MAPK8IP3: variants seen among roughly 807,000 people sequenced by gnomAD.
MAPK8IP3 encodes the protein C-Jun-amino-terminal kinase-interacting protein 3.
In MAPK8IP3, 49 loss-of-function variants were observed where a neutral mutation model predicts 157.8. The observed-to-expected ratio is 0.31, with a 90% CI of 0.25 to 0.39. The LOEUF (loss-of-function observed/expected upper bound fraction) is 0.39. Among genes scored for constraint, MAPK8IP3 ranks in the 10% least tolerant of loss-of-function variants. The pLI is 1.00. For synonymous variants in MAPK8IP3, 897 were observed against 777.7 expected (o/e 1.15, Z -2.55); for missense variants, 1,478 against 1,889.4 (o/e 0.78, Z 4.04).
chr16:1,708,568 C>T (rs2037548384), intron 1 of MAPK8IP3, among the ~76,000 whole-genome samples: 1 of 152,242 alleles, frequency 6.6e-6, no homozygotes, highest in African/African-American at 2.4e-5. Flanking sequence ...CGCTGCCCAG[C>T]TCTGTGCGGT....
intron 1 of MAPK8IP3, chr16:1,707,536 C>A (rs1373218674): frequency 1.3e-5 from 2 of 152,278 alleles, no homozygotes; most frequent in Non-Finnish European, 1.5e-5. Context: ...TTACAAGAGC[C>A]GGGCCCTGTG....
intron 4 of MAPK8IP3, among the ~76,000 whole-genome samples, chr16:1,739,435 AGCCTCC>A (rs2040453180): frequency 8.7e-6 from 1 of 114,314 alleles, no homozygotes. Flanking sequence ...CGTCCGTGTG[AGCCTCC>A]GTGTGACCGT....
intron 4 of MAPK8IP3, among the ~76,000 whole-genome samples, chr16:1,737,074 G>A (rs980181030): frequency 2.2e-5 from 2 of 92,366 alleles, no homozygotes; most frequent in African/African-American, 4.2e-5. Flanking sequence ...CCGTGTGAGC[G>A]TGTGACCGTC....
chr16:1,736,860 G>A (rs1282161621), intron 4 of MAPK8IP3, among the ~76,000 whole-genome samples: 8 of 74,096 alleles, frequency 1.1e-4, no homozygotes, highest in Admixed American at 3.7e-4. Flanking sequence ...GTGTGTGACC[G>A]TCCATGTGAG....
chr16:1,720,989 T>C (rs1402598050), intron 1 of MAPK8IP3, among the ~76,000 whole-genome samples: 1 of 143,122 alleles, frequency 7.0e-6, no homozygotes, highest in Non-Finnish European at 1.5e-5. Flanking sequence ...AGCTGAGTCA[T>C]GTCATTGCAC....
intron 4 of MAPK8IP3, among the ~76,000 whole-genome samples, chr16:1,738,102 C>T (rs2040184818): frequency 2.5e-5 from 2 of 79,930 alleles, no homozygotes; most frequent in Non-Finnish European, 4.5e-5. Context: ...ATGTGAGCAT[C>T]CATGTGACCG....
At chr16:1,713,160 T>C (rs2037907619) in intron 1 of MAPK8IP3, among the ~76,000 whole-genome samples, 1 of 152,220 alleles carries the variant, frequency 6.6e-6, no homozygotes. Flanking sequence ...AATGTTGTAT[T>C]TGGTGCTGTC....
intron 4 of MAPK8IP3, among the ~76,000 whole-genome samples, chr16:1,732,835 C>T (rs1404024070): frequency 6.6e-6 from 1 of 152,026 alleles, no homozygotes; most frequent in Non-Finnish European, 1.5e-5. Context: ...GTGTGGATGC[C>T]AGCTTGCCCC....
At chr16:1,707,904 C>T (rs1434623913) in intron 1 of MAPK8IP3, 1 of 152,124 alleles carries the variant, frequency 6.6e-6, no homozygotes, top group East Asian at 1.9e-4. Context: ...AGTATTTTGG[C>T]TTTTTCTGAA....
chr16:1,738,577 AGT>A (rs1272457850), intron 4 of MAPK8IP3, among the ~76,000 whole-genome samples: 1 of 107,910 alleles, frequency 9.3e-6, no homozygotes, highest in African/African-American at 3.8e-5. Context: ...CATCCGTGTG[AGT>A]GTGACCATCC....
intron 1 of MAPK8IP3, among the ~76,000 whole-genome samples, chr16:1,720,413 A>T (rs2038437894): frequency 6.6e-6 from 1 of 152,232 alleles, no homozygotes; most frequent in South Asian, 2.1e-4. Flanking sequence ...ACTGTGCTCT[A>T]CACACACACT....
At chr16:1,725,844 C>T (rs1675822673) in intron 2 of MAPK8IP3, among the ~76,000 whole-genome samples, 1 of 151,854 alleles carries the variant, frequency 6.6e-6, no homozygotes, top group Admixed American at 6.6e-5. Flanking sequence ...ACTACAGGTG[C>T]CCGCCACCAC....
intron 4 of MAPK8IP3, among the ~76,000 whole-genome samples, chr16:1,739,121 C>A (rs897490000): frequency 8.6e-6 from 1 of 116,348 alleles, no homozygotes; most frequent in Non-Finnish European, 1.7e-5. Flanking sequence ...TGTGAGCATC[C>A]GTGTGAGCGT....
Position 1,757,010 on chromosome 16 carries a change from C to A in MAPK8IP3, c.1217-1138C>A, listed in dbSNP as rs144701645. 2.6e-3 allele frequency among the ~76,000 whole-genome samples: 397 copies of A among 151,820 alleles called. 1 individual carries two copies. Among genetic ancestry groups the A allele is most frequent in the African/African-American group, 9.2e-3 (380 of 41,164 alleles). ...CGTGAGCAGTGGTTGCCCTGGGAAG[C>A]CGAGATGAGAGAGAAGGACATCTGC... On this transcript the variant is annotated intron_variant, in intron 8 of 31. Coordinates refer to ENST00000610761, the MANE Select transcript of MAPK8IP3 (RefSeq NM_001318852.2).
chr16:1,739,302 G>A (rs377516713), intron 4 of MAPK8IP3, among the ~76,000 whole-genome samples: 17,840 of 120,562 alleles, frequency 0.15, 1,972 homozygotes, highest in East Asian at 0.27. Flanking sequence ...GCCTGTGACC[G>A]TCCGTGTGAG....
chr16:1,743,570 ACGGCTCTCTGGGC>A lies in MAPK8IP3; in HGVS notation c.747+96_747+108del. On this transcript the variant is annotated intron_variant, in intron 5 of 31. Coordinates refer to ENST00000610761, the MANE Select transcript of MAPK8IP3 (RefSeq NM_001318852.2). This position sits in a 1 kb window ranked among gnomAD's most constrained non-coding sequence, Gnocchi z 5.6. The stretch of plus-strand genomic sequence containing the variant: ...GAGCCTCGTCTGCAGGCAGCCCTTC[ACGGCTCTCTGGGC>A]CACTCGCCCTCTCCCTTCGTGTGTG... 6.6e-7 allele frequency: 1 copy of A among 1,517,554 alleles called. No homozygotes were observed. Among genetic ancestry groups the A allele is most frequent in the Non-Finnish European group, 8.7e-7 (1 of 1,143,514 alleles). The allele number at this position is 1,517,554 out of a possible 1,614,324, so 94.0% of individuals were successfully genotyped here. A position where few individuals can be genotyped will look rare whatever the true frequency, so the allele number is the denominator to read the frequency against.
chr16:1,738,343 C>T (rs1284353094), intron 4 of MAPK8IP3, among the ~76,000 whole-genome samples: 1 of 67,290 alleles, frequency 1.5e-5, no homozygotes, highest in Non-Finnish European at 2.7e-5. Flanking sequence ...TGTGACCGTC[C>T]GTGTGTGTGA....
At position 1,736,185 on chromosome 16, in the gene MAPK8IP3, ACCGT is replaced by A. The variant is rs546451117; in HGVS notation, c.602+6612_602+6615del. ...GTGTGAGCGTCCGTGTGAGCGTGTG[ACCGT>A]CCGTGTGAGCATGTGTGACCATCCG... is the stretch of plus-strand genomic sequence containing the variant. On this transcript the variant is annotated intron_variant, in intron 4 of 31. Coordinates refer to ENST00000610761, the MANE Select transcript of MAPK8IP3 (RefSeq NM_001318852.2). 8.9e-5 allele frequency among the ~76,000 whole-genome samples: 9 copies of A among 100,718 alleles called. No homozygotes were observed. The South Asian group carries it at 1.4e-3, about 15-fold the overall frequency. 66.1% of individuals were successfully genotyped at this position (100,718 alleles called of 152,430 possible).
chr16:1,737,086 G>A (rs1469095746), intron 4 of MAPK8IP3, among the ~76,000 whole-genome samples: 42 of 92,616 alleles, frequency 4.5e-4, no homozygotes, highest in African/African-American at 9.7e-4. Context: ...GTGACCGTCC[G>A]TGTGAGTGTG....
Sources: allele counts gnomAD v4.1 joint callset (sites outside exome capture counted in the v4.1 genomes callset), GRCh38; gene constraint gnomAD v4.1.1; non-coding constraint Gnocchi (gnomAD v3.1); transcripts MANE v1.5; gene names NCBI Gene and HGNC (gene_info 2026-07-23, HGNC 2026-07-21).